Variants in PAXIP1 observed in about 807,000 individuals in gnomAD.
PAXIP1 encodes PAX-interacting protein 1.
A neutral mutation model predicts 140.6 loss-of-function variants in PAXIP1; 19 were observed. The observed-to-expected ratio is 0.14, with a 90% CI of 0.09 to 0.20. The LOEUF (loss-of-function observed/expected upper bound fraction) is 0.20. PAXIP1 is among the 10% of genes least tolerant of loss of function. The probability of loss-of-function intolerance (pLI) is 1.00; values close to 1 mark genes in which losing one functional copy is unlikely to be tolerated. For synonymous variants in PAXIP1, 442 were observed against 444.6 expected (o/e 0.99, Z 0.07); for missense variants, 920 against 1,208.6 (o/e 0.76, Z 3.54).
rs1040517106 is a variant in PAXIP1, at chr7:154,967,649, A to C, written c.1893+167T>G. 5.3e-6 allele frequency: 3 copies of C among 565,460 alleles called. No homozygotes were observed. In the Admixed American group the frequency reaches 1.0e-4, roughly 20 times the overall value. The allele number at this position is 565,460 out of a possible 1,614,324, so 35.0% of individuals were successfully genotyped here. A position where few individuals can be genotyped will look rare whatever the true frequency, so the allele number is the denominator to read the frequency against. On this transcript the variant is annotated intron_variant, in intron 8 of 20. Transcript: ENST00000404141. Reference sequence around the variant, plus strand: ...ACAGCTGAGAAAACTGATGCCCAGAAAAGTGCTGTGCCTCAGGTCACACAG... The same window carrying C: ...ACAGCTGAGAAAACTGATGCCCAGACAAGTGCTGTGCCTCAGGTCACACAG...
chr7:154,947,076 G>T, intron 17 of PAXIP1: 1 of 313,440 alleles, frequency 3.2e-6, no homozygotes, highest in Non-Finnish European at 5.9e-6. Context: ...AAAACAAAGT[G>T]TTTTGTGAAT....
chr7:154,997,089 A>G (rs1484547006), intron 2 of PAXIP1, among the ~76,000 whole-genome samples: 1 of 152,210 alleles, frequency 6.6e-6, no homozygotes, highest in Non-Finnish European at 1.5e-5. Flanking sequence ...GCCAGAGACA[A>G]AAACATGTTC....
At chr7:154,988,282 G>C (rs1043491417) in intron 4 of PAXIP1, among the ~76,000 whole-genome samples, 7 of 152,012 alleles carry the variant, frequency 4.6e-5, no homozygotes, top group Non-Finnish European at 1.0e-4. Flanking sequence ...CATTCTTTCA[G>C]GGCCACTCAC....
intron 1 of PAXIP1, among the ~76,000 whole-genome samples, chr7:155,002,413 C>A (rs1258827235): frequency 2.6e-5 from 4 of 152,096 alleles, no homozygotes; most frequent in African/African-American, 9.7e-5. Context: ...GGTCCCCGCG[C>A]GAGCTGCCCC....
intron 6 of PAXIP1, among the ~76,000 whole-genome samples, chr7:154,970,206 A>G (rs1309285553): frequency 6.6e-6 from 1 of 152,224 alleles, no homozygotes; most frequent in Admixed American, 6.5e-5. Context: ...ATTTTACTTA[A>G]CTCAATCCAT....
In PAXIP1 at chr7:154,973,481, T is replaced by A. The variant is rs973655773; in HGVS notation, c.1074+2215A>T. Among the ~76,000 whole-genome samples the A allele has an allele frequency of 6.6e-6, 1 of 152,168 alleles. No individual in the cohort carries two copies. The highest frequency in any genetic ancestry group is 1.5e-5 in the Non-Finnish European group (1 of 68,036). On this transcript the variant is annotated intron_variant, in intron 6 of 20. Transcript: ENST00000404141. The surrounding 1 kb of genome is among the most constrained non-coding windows in gnomAD (Gnocchi z 4.0). ...AATCTTCTATTCTCCTCAAACCCGATGACCTTCTCTCTCTGCTCACCTTCT... is the reference window on the plus strand; with the variant it reads ...AATCTTCTATTCTCCTCAAACCCGAAGACCTTCTCTCTCTGCTCACCTTCT...
At position 154,959,953 on chromosome 7, in the gene PAXIP1, A is replaced by AT. The variant is rs763918876; in HGVS notation, c.2435-21dup. 58 of 1,540,422 alleles carry AT rather than the reference A, an allele frequency of 3.8e-5. 1 individual carries two copies. The highest frequency in any genetic ancestry group is 5.2e-5 in the Non-Finnish European group (58 of 1,114,170). On this transcript the variant is annotated intron_variant, in intron 12 of 20. Coordinates refer to ENST00000404141, the MANE Select transcript of PAXIP1 (RefSeq NM_007349.4). ...AAGCATCTAAAGAGAGAAACACATTATTTTTTATGATAGATACGTTGTTTA... is the reference window on the plus strand; with the variant it reads ...AAGCATCTAAAGAGAGAAACACATTATTTTTTTATGATAGATACGTTGTTTA...
rs199900720 is a variant in PAXIP1 at position 154,960,844 on chromosome 7, C to A, written c.2434+49G>T. The A allele has an allele frequency of 4.6e-6, 6 of 1,304,304 alleles. No homozygotes were observed. In the Admixed American group the frequency reaches 1.6e-4, roughly 34 times the overall value. 80.8% of individuals were successfully genotyped at this position (1,304,304 alleles called of 1,614,324 possible). A position where few individuals can be genotyped will look rare whatever the true frequency, so the allele number is the denominator to read the frequency against. The stretch of plus-strand genomic sequence containing the variant: ...GAATAAAAAGATGGTAGAAGTAATG[C>A]TAATGATTTTATTTAAGTAAGATTT... On this transcript the variant is annotated intron_variant, in intron 12 of 20. Transcript: ENST00000404141.
chr7:154,964,083 CT>C, intron 8 of PAXIP1: 2 of 307,538 alleles, frequency 6.5e-6, no homozygotes, highest in Non-Finnish European at 1.3e-5. Context: ...GGGGGCTGTC[CT>C]GTACAGAGGA....
At chr7:154,998,135 T>C (rs921986240) in intron 2 of PAXIP1, among the ~76,000 whole-genome samples, 1 of 152,214 alleles carries the variant, frequency 6.6e-6, no homozygotes, top group African/African-American at 2.4e-5. Context: ...TACCTTGGTT[T>C]AGCTGAAAGG....
intron 4 of PAXIP1, among the ~76,000 whole-genome samples, chr7:154,988,005 GGTAA>G (rs1187810961): frequency 5.3e-5 from 8 of 152,136 alleles, no homozygotes; most frequent in South Asian, 2.1e-4. Flanking sequence ...AATTTTCTGA[GGTAA>G]GTATTTGTAA....
At chr7:154,968,012 T>C in intron 7 of PAXIP1, 102 bp from the exon 8 acceptor site, 1 of 724,352 alleles carries the variant, frequency 1.4e-6, no homozygotes, top group Non-Finnish European at 2.3e-6. Flanking sequence ...GTTATGTTTA[T>C]CAGTCTTGAC....
At chr7:154,997,251 T>G (rs1365264766) in intron 2 of PAXIP1, among the ~76,000 whole-genome samples, 2 of 152,196 alleles carry the variant, frequency 1.3e-5, no homozygotes, top group Non-Finnish European at 2.9e-5. Context: ...CCTTTTTCTT[T>G]TTGTTTAAGA....
chr7:154,999,366 C>G (rs932377011), intron 1 of PAXIP1, among the ~76,000 whole-genome samples: 3 of 152,150 alleles, frequency 2.0e-5, no homozygotes, highest in African/African-American at 7.2e-5. Flanking sequence ...TGCAGGGCCA[C>G]TGAAGGATTT....
At chr7:154,995,588 G>A (rs1415899105) in intron 2 of PAXIP1, among the ~76,000 whole-genome samples, 1 of 152,204 alleles carries the variant, frequency 6.6e-6, no homozygotes, top group Admixed American at 6.5e-5. Flanking sequence ...GATGGCTCAT[G>A]CCTGTAATCT....
intron 2 of PAXIP1, among the ~76,000 whole-genome samples, chr7:154,996,465 A>G (rs975180983): frequency 1.3e-5 from 2 of 152,260 alleles, no homozygotes; most frequent in African/African-American, 2.4e-5. Context: ...TGCTAATTGT[A>G]TAAGTAATGG....
chr7:154,971,991 T>C (rs1044908370), intron 6 of PAXIP1, among the ~76,000 whole-genome samples: 1 of 152,226 alleles, frequency 6.6e-6, no homozygotes, highest in Non-Finnish European at 1.5e-5. Context: ...TAGAAATGGA[T>C]GGAGCCTTCT....
At chr7:154,949,158 G>A (rs1430385022) in intron 16 of PAXIP1, 1 of 152,164 alleles carries the variant, frequency 6.6e-6, no homozygotes, top group Non-Finnish European at 1.5e-5. Flanking sequence ...CAGAAAACAA[G>A]GAAAAGTGAT....
At chr7:154,974,169 G>A (rs1206627369) in intron 6 of PAXIP1, 1 of 152,310 alleles carries the variant, frequency 6.6e-6, no homozygotes, top group Non-Finnish European at 1.5e-5. Flanking sequence ...GCTTTCCAGT[G>A]TTCCTTATCT....
Sources: allele counts gnomAD v4.1 joint callset (sites outside exome capture counted in the v4.1 genomes callset), GRCh38; gene constraint gnomAD v4.1.1; non-coding constraint Gnocchi (gnomAD v3.1); transcripts MANE v1.5; gene names NCBI Gene and HGNC (gene_info 2026-07-23, HGNC 2026-07-21).